The following AFF1 variants were observed in gnomAD, a reference collection of about 807,000 sequenced individuals.
AFF1 encodes AF4/FMR2 family member 1.
A neutral mutation model predicts 121.7 loss-of-function variants in AFF1; 48 were observed. The observed-to-expected ratio is 0.39, with a 90% CI of 0.31 to 0.50. The LOEUF is 0.50. AFF1 is among the 20% of genes least tolerant of loss of function. The probability of loss-of-function intolerance (pLI) is 0.76; values close to 1 mark genes in which losing one functional copy is unlikely to be tolerated. For synonymous variants in AFF1, 613 were observed against 563.0 expected (o/e 1.09, Z -1.26); for missense variants, 1,523 against 1,511.7 (o/e 1.01, Z -0.12).
intron 12 of AFF1, among the ~76,000 whole-genome samples, chr4:87,118,482 A>C (rs1240865406): frequency 1.3e-5 from 2 of 152,166 alleles, no homozygotes; most frequent in East Asian, 3.8e-4. Context: ...TTTCTTTTAA[A>C]ATTTTTTTAT....
Position 87,114,331 on chromosome 4 carries a change from G to A in AFF1, c.1534-36G>A, listed in dbSNP as rs775971209. The A allele has an allele frequency of 3.3e-6, 5 of 1,529,950 alleles. No homozygotes were observed. The African/African-American group carries it at 7.0e-5, about 21-fold the overall frequency. The allele number at this position is 1,529,950 out of a possible 1,614,324, so 94.8% of individuals were successfully genotyped here. On this transcript the variant is annotated intron_variant, in intron 11 of 20. Coordinates refer to ENST00000395146, the MANE Select transcript of AFF1 (RefSeq NM_001166693.3). ...ACAAAAGAATAATTTGTCATCAATG[G>A]TCAGTTAACACTTTTCTTTCTTTCC...
At chr4:87,125,394 A>AT (rs534694401) in intron 13 of AFF1, 607 of 290,758 alleles carry the variant, frequency 2.1e-3, no homozygotes, top group East Asian at 3.0e-3. Flanking sequence ...AGACATCTGG[A>AT]TTTTTTTTTT....
At chr4:87,069,681 T>C (rs916997930) in intron 4 of AFF1, among the ~76,000 whole-genome samples, 2 of 144,314 alleles carry the variant, frequency 1.4e-5, no homozygotes, top group Middle Eastern at 3.4e-3. Flanking sequence ...TTTACTGAAA[T>C]AATGGTGAGA....
intron 2 of AFF1, among the ~76,000 whole-genome samples, chr4:86,996,283 G>C (rs1356478824): frequency 1.1e-4 from 16 of 152,188 alleles, no homozygotes; most frequent in Admixed American, 5.9e-4. Context: ...GGAATAGAAA[G>C]GGGGGAAAGG....
At chr4:87,065,623 A>T (rs1363144578) in intron 4 of AFF1, among the ~76,000 whole-genome samples, 1 of 152,168 alleles carries the variant, frequency 6.6e-6, no homozygotes, top group Admixed American at 6.5e-5. Flanking sequence ...TTTGGGAAAA[A>T]CTGTTTTGGA....
chr4:87,001,596 A>G (rs566167180), intron 2 of AFF1, among the ~76,000 whole-genome samples: 8 of 152,328 alleles, frequency 5.3e-5, no homozygotes, highest in Non-Finnish European at 7.4e-5. Context: ...GGACATTTGT[A>G]TATTAAGGAT....
At chr4:87,073,366 G>A (rs1429947372) in intron 4 of AFF1, among the ~76,000 whole-genome samples, 3 of 148,744 alleles carry the variant, frequency 2.0e-5, no homozygotes, top group Middle Eastern at 3.4e-3. Flanking sequence ...GGACAAGGTC[G>A]TCTTTATTTG....
At chr4:87,131,355 G>GT in intron 17 of AFF1, 136 bp downstream of exon 17, 1 of 1,173,184 alleles carries the variant, frequency 8.5e-7, no homozygotes, top group Non-Finnish European at 1.2e-6. Flanking sequence ...CTAAGAACTA[G>GT]TGTTTGTCCT....
At chr4:87,007,056 G>C (rs1726206760) in intron 2 of AFF1, 1 of 1,187,858 alleles carries the variant, frequency 8.4e-7, no homozygotes, top group Non-Finnish European at 1.0e-6. Context: ...GGGCGCCGGC[G>C]GTCTTCGAGC....
chr4:87,089,699 C>T (rs1382341765), intron 5 of AFF1, among the ~76,000 whole-genome samples: 3 of 152,192 alleles, frequency 2.0e-5, no homozygotes, highest in Admixed American at 2.0e-4. Context: ...CTGTTACGTA[C>T]AGTTTATGTG....
chr4:87,037,904 G>T (rs1466888066), intron 2 of AFF1, among the ~76,000 whole-genome samples: 1 of 152,098 alleles, frequency 6.6e-6, no homozygotes, highest in African/African-American at 2.4e-5. Context: ...CCTAGAGAAT[G>T]GCAAGAAGTT....
At chr4:87,087,918 A>T (rs984842957) in intron 5 of AFF1, among the ~76,000 whole-genome samples, 3 of 152,226 alleles carry the variant, frequency 2.0e-5, no homozygotes, top group Admixed American at 2.0e-4. Flanking sequence ...AAGTATTACC[A>T]AGTAAATAAA....
At chr4:87,021,006 A>G (rs577041292) in intron 2 of AFF1, among the ~76,000 whole-genome samples, 6 of 152,078 alleles carry the variant, frequency 3.9e-5, no homozygotes, top group African/African-American at 1.2e-4. Flanking sequence ...CTTCCCCAAG[A>G]CTCACCATTC....
chr4:86,938,245 T>G (rs1560487678), intron 1 of AFF1, among the ~76,000 whole-genome samples: 1 of 152,126 alleles, frequency 6.6e-6, no homozygotes, highest in Non-Finnish European at 1.5e-5. Flanking sequence ...AGGTCAGCGG[T>G]TCTGGACCAG....
At position 87,046,821 on chromosome 4, in the gene AFF1, A is replaced by G. The variant is rs1477121686; in HGVS notation, c.286A>G (p.Lys96Glu). ...GGATGCTTCTGAAAATAGGTTGGGA[A>G]AGCCGAAATATCCTTTAATTCCTGA... Reference protein sequence around the residue: ...RLDASENRLGKPKYPLIPDKG... With the variant: ...RLDASENRLGEPKYPLIPDKG... The change falls in exon 4 of 21, where the codon AAG becomes GAG. Residue 96 changes from lysine to glutamate, a missense_variant. Physicochemically the swap from Lys to Glu is moderately conservative, Grantham distance 56 (BLOSUM62 1). This residue lies in a region of AFF1 where 369 missense variants were observed against 367.2 expected (regional missense o/e 1.00). Transcript: ENST00000395146. 2 of 1,614,230 alleles carry G rather than the reference A, an allele frequency of 1.2e-6. No homozygotes were observed. Among genetic ancestry groups the G allele is most frequent in the East Asian group, 2.2e-5 (1 of 44,888 alleles).
intron 4 of AFF1, among the ~76,000 whole-genome samples, chr4:87,064,462 C>T (rs752468758): frequency 4.6e-5 from 7 of 152,156 alleles, no homozygotes; most frequent in Non-Finnish European, 8.8e-5. Flanking sequence ...AGTATGGAGG[C>T]CAGGCACAGT....
intron 2 of AFF1, among the ~76,000 whole-genome samples, chr4:86,979,388 TGCCCA>T (rs1338809738): frequency 1.3e-5 from 2 of 152,282 alleles, no homozygotes; most frequent in East Asian, 3.9e-4. Flanking sequence ...GATGAGCCAC[TGCCCA>T]GCCTGCCCCT....
intron 2 of AFF1, among the ~76,000 whole-genome samples, chr4:87,014,064 C>T (rs777594936): frequency 1.4e-4 from 21 of 152,066 alleles, no homozygotes; most frequent in Non-Finnish European, 2.8e-4. Flanking sequence ...TGGATATCTA[C>T]GTCCATAAAA....
At chr4:87,022,354 T>C (rs1727988690) in intron 2 of AFF1, among the ~76,000 whole-genome samples, 1 of 151,676 alleles carries the variant, frequency 6.6e-6, no homozygotes, top group Admixed American at 6.6e-5. Flanking sequence ...ACACTGACAC[T>C]TAGGTTTAGT....
Sources: gnomAD v4.1 joint callset for allele counts (sites outside exome capture counted in the v4.1 genomes callset) on GRCh38, gnomAD v4.1.1 for gene constraint, gnomAD v4.1.1 regional missense constraint, MANE v1.5 for transcripts, NCBI Gene and HGNC (gene_info 2026-07-23, HGNC 2026-07-21) for gene names.